Variants in EYS observed in about 807,000 individuals in gnomAD.
The protein encoded by EYS is protein eyes shut homolog.
In EYS, 250 loss-of-function variants were observed where a neutral mutation model predicts 282.1. That is an observed-to-expected ratio of 0.89 (90% CI 0.80 to 0.98). The LOEUF (loss-of-function observed/expected upper bound fraction) is 0.98. Ranked by LOEUF, EYS falls within the 50% of genes least tolerant of loss-of-function variation. The pLI is 0.00. For synonymous variants in EYS, 1,355 were observed against 1,282.9 expected, an observed-to-expected ratio of 1.06 and a Z score of -1.20; for missense variants, 4,016 against 3,709.0, an observed-to-expected ratio of 1.08 and a Z score of -2.15.
At chr6:64,795,989 TGA>T (rs1774344997) in intron 22 of EYS, among the ~76,000 whole-genome samples, 1 of 151,996 alleles carries the variant, frequency 6.6e-6, no homozygotes, top group Non-Finnish European at 1.5e-5. Flanking sequence ...CGTACGTGGA[TGA>T]GTCTACACTG....
chr6:64,242,691 T>A (rs974770522), intron 30 of EYS, among the ~76,000 whole-genome samples: 1 of 151,838 alleles, frequency 6.6e-6, no homozygotes, highest in Non-Finnish European at 1.5e-5. Context: ...CCCATGTGTG[T>A]TCTAGCTACA....
intron 2 of EYS, among the ~76,000 whole-genome samples, chr6:65,587,140 C>T (rs950616206): frequency 6.6e-6 from 1 of 151,910 alleles, no homozygotes; most frequent in Admixed American, 6.6e-5. Flanking sequence ...AACTAAACAG[C>T]CAGCTGTTTA....
chr6:65,238,711 C>A (rs1582052035), intron 12 of EYS, among the ~76,000 whole-genome samples: 2 of 152,028 alleles, frequency 1.3e-5, no homozygotes, highest in South Asian at 4.1e-4. Context: ...AATTAAAATT[C>A]AGAGCAAAAC....
At chr6:64,380,755 C>T (rs1349409532) in intron 29 of EYS, among the ~76,000 whole-genome samples, 5 of 152,092 alleles carry the variant, frequency 3.3e-5, no homozygotes, top group East Asian at 1.9e-4. Flanking sequence ...GGGTGGCTCA[C>T]GCCTATAATA....
intron 12 of EYS, among the ~76,000 whole-genome samples, chr6:65,160,551 C>T (rs984529695): frequency 6.6e-6 from 1 of 150,738 alleles, no homozygotes; most frequent in Non-Finnish European, 1.5e-5. Context: ...GGCAACCACC[C>T]CATTGAATTT....
intron 2 of EYS, among the ~76,000 whole-genome samples, chr6:65,598,802 G>A (rs1221307072): frequency 2.0e-5 from 3 of 151,944 alleles, no homozygotes; most frequent in East Asian, 1.9e-4. Flanking sequence ...TCAAATTTTC[G>A]CTCTGTCACT....
chr6:64,124,003 C>T (rs949182534), intron 31 of EYS, among the ~76,000 whole-genome samples: 7 of 151,944 alleles, frequency 4.6e-5, no homozygotes, highest in Admixed American at 1.3e-4. Flanking sequence ...CACTGGAAGG[C>T]GAAGCATCCA....
intron 36 of EYS, among the ~76,000 whole-genome samples, chr6:63,848,766 A>G (rs1212797215): frequency 6.6e-6 from 1 of 152,196 alleles, no homozygotes; most frequent in Admixed American, 6.5e-5. Context: ...CTGTTTGGGC[A>G]GACACTGATC....
intron 12 of EYS, among the ~76,000 whole-genome samples, chr6:65,205,181 C>A (rs1167351495): frequency 6.7e-6 from 1 of 149,896 alleles, no homozygotes; most frequent in Non-Finnish European, 1.5e-5. Context: ...TGGCTAGACA[C>A]ATATATACTC....
In EYS at chr6:65,495,523, A is replaced by T; in HGVS notation, c.-113T>A. ...GTGGTTAAGGATTCCTGGGAATTGGAATTGACCTTTTTTCTATACCCAAAG... is the reference window on the plus strand; with the variant it reads ...GTGGTTAAGGATTCCTGGGAATTGGTATTGACCTTTTTTCTATACCCAAAG... On this transcript the variant is annotated 5_prime_UTR_variant, in exon 4 of 43. Transcript: ENST00000503581. The T allele has an allele frequency of 1.7e-6, 2 of 1,164,810 alleles. No homozygotes were observed. Among genetic ancestry groups the T allele is most frequent in the African/African-American group, 3.1e-5 (2 of 65,558 alleles). The allele number at this position is 1,164,810 out of a possible 1,614,324, so 72.2% of individuals were successfully genotyped here.
intron 28 of EYS, among the ~76,000 whole-genome samples, chr6:64,417,456 A>T (rs1430420971): frequency 6.6e-6 from 1 of 152,192 alleles, no homozygotes; most frequent in Non-Finnish European, 1.5e-5. Flanking sequence ...AAAACCATTT[A>T]TACCTTATCA....
At chr6:65,648,489 T>A (rs1006199246) in intron 1 of EYS, among the ~76,000 whole-genome samples, 1 of 152,148 alleles carries the variant, frequency 6.6e-6, no homozygotes, top group Non-Finnish European at 1.5e-5. Context: ...CTCATTCATA[T>A]GTGGGAACAG....
chr6:64,091,469 T>C (rs1772358056), intron 31 of EYS, among the ~76,000 whole-genome samples: 1 of 152,194 alleles, frequency 6.6e-6, no homozygotes, highest in African/African-American at 2.4e-5. Flanking sequence ...CTGTTTTTTA[T>C]TGAGGGTACA....
chr6:64,518,242 G>T (rs1777621878), intron 26 of EYS, among the ~76,000 whole-genome samples: 1 of 151,586 alleles, frequency 6.6e-6, no homozygotes, highest in African/African-American at 2.4e-5. Context: ...ATTGATTTTG[G>T]ATGTAAAAAA....
chr6:65,341,143 C>T (rs772385327), intron 10 of EYS, among the ~76,000 whole-genome samples: 11 of 151,142 alleles, frequency 7.3e-5, no homozygotes, highest in Non-Finnish European at 1.3e-4. Context: ...GTACATCATT[C>T]AAGTGTTCTA....
intron 12 of EYS, among the ~76,000 whole-genome samples, chr6:65,175,462 T>C (rs1765202732): frequency 6.6e-6 from 1 of 151,190 alleles, no homozygotes; most frequent in African/African-American, 2.4e-5. Context: ...TTGAGTGGTA[T>C]GAGAAAGAAG....
intron 12 of EYS, among the ~76,000 whole-genome samples, chr6:65,203,923 G>A (rs1765964303): frequency 6.6e-6 from 1 of 151,776 alleles, no homozygotes; most frequent in African/African-American, 2.4e-5. Context: ...TTAAAACACA[G>A]CTGAAAGCTT....
chr6:64,217,499 A>C (rs1765969115), intron 31 of EYS, among the ~76,000 whole-genome samples: 1 of 152,172 alleles, frequency 6.6e-6, no homozygotes, highest in Admixed American at 6.5e-5. Flanking sequence ...CCTGCACTGC[A>C]GCCCGAGTGA....
At chr6:64,560,079 C>A (rs912627146) in intron 26 of EYS, among the ~76,000 whole-genome samples, 2 of 151,984 alleles carry the variant, frequency 1.3e-5, no homozygotes, top group African/African-American at 4.8e-5. Flanking sequence ...TTGTGTACAT[C>A]ATTGTTCTTG....
Sources: allele counts gnomAD v4.1 joint callset (sites outside exome capture counted in the v4.1 genomes callset), GRCh38; gene constraint gnomAD v4.1.1; transcripts MANE v1.5; gene names NCBI Gene and HGNC (gene_info 2026-07-23, HGNC 2026-07-21).